Variants in HTR7 observed in about 807,000 individuals in gnomAD.
HTR7 encodes 5-HT-7.
Under a neutral mutation model 34.0 loss-of-function variants are expected in HTR7, and 16 were observed. That is an observed-to-expected ratio of 0.47 (90% CI 0.32 to 0.71). The LOEUF (loss-of-function observed/expected upper bound fraction) is 0.71. HTR7 is among the 30% of genes least tolerant of loss of function. The pLI, the probability that HTR7 is intolerant of heterozygous loss-of-function variation, is 0.04. For missense variants in HTR7, 504 were observed against 625.5 expected (o/e 0.81, Z 2.07); for synonymous variants, 265 against 260.2 (o/e 1.02, Z -0.18).
At chr10:90,831,256 G>C (rs1335884653) in intron 1 of HTR7, among the ~76,000 whole-genome samples, 3 of 152,182 alleles carry the variant, frequency 2.0e-5, no homozygotes, top group African/African-American at 7.2e-5. Context: ...CTTAAAGGCA[G>C]CGTGTCCGGA....
At chr10:90,834,040 G>A (rs1019761057) in intron 1 of HTR7, among the ~76,000 whole-genome samples, 3 of 152,084 alleles carry the variant, frequency 2.0e-5, no homozygotes, top group African/African-American at 7.2e-5. Context: ...TAGGTAAAAG[G>A]CACGCTTACT....
chr10:90,792,976 AT>A (rs1845482794), intron 1 of HTR7, among the ~76,000 whole-genome samples: 1 of 152,186 alleles, frequency 6.6e-6, no homozygotes, highest in South Asian at 2.1e-4. Flanking sequence ...GAAAAGCTTC[AT>A]AACATTGGAT....
At chr10:90,767,484 C>T (rs189221831) in intron 1 of HTR7, among the ~76,000 whole-genome samples, 115 of 152,282 alleles carry the variant, frequency 7.6e-4, no homozygotes, top group African/African-American at 2.7e-3. Context: ...TGCATCCTAA[C>T]GGTATAATCT....
At chr10:90,838,181 T>C (rs963813549) in intron 1 of HTR7, among the ~76,000 whole-genome samples, 9 of 152,220 alleles carry the variant, frequency 5.9e-5, no homozygotes, top group African/African-American at 1.9e-4. Flanking sequence ...TCTATTGATA[T>C]AAAATTTATC....
At chr10:90,751,638 G>A (rs921626693) in intron 1 of HTR7, among the ~76,000 whole-genome samples, 3 of 152,120 alleles carry the variant, frequency 2.0e-5, no homozygotes, top group African/African-American at 7.2e-5. Flanking sequence ...CTGGGAAGGG[G>A]GGTGTTTCAA....
chr10:90,844,210 T>C (rs1846374275), intron 1 of HTR7, among the ~76,000 whole-genome samples: 1 of 152,188 alleles, frequency 6.6e-6, no homozygotes, highest in Non-Finnish European at 1.5e-5. Context: ...ACCCAATAAA[T>C]AGTTTGAACT....
chr10:90,791,502 A>C (rs1447540407), intron 1 of HTR7, among the ~76,000 whole-genome samples: 2 of 152,070 alleles, frequency 1.3e-5, no homozygotes, highest in African/African-American at 4.8e-5. Flanking sequence ...AGGAGATTGA[A>C]AATGTTCAAA....
At chr10:90,779,223 C>A (rs190465370) in intron 1 of HTR7, among the ~76,000 whole-genome samples, 1 of 152,178 alleles carries the variant, frequency 6.6e-6, no homozygotes, top group Admixed American at 6.5e-5. Flanking sequence ...CCTTCTCCCC[C>A]TTTGGAGCAG....
At chr10:90,768,092 AT>A (rs1166446523) in intron 1 of HTR7, among the ~76,000 whole-genome samples, 1 of 152,140 alleles carries the variant, frequency 6.6e-6, no homozygotes, top group Non-Finnish European at 1.5e-5. Context: ...ACATCCTTCC[AT>A]TTCCCCAACT....
chr10:90,788,715 C>A (rs531739056), intron 1 of HTR7, among the ~76,000 whole-genome samples: 148 of 152,136 alleles, frequency 9.7e-4, no homozygotes, highest in Non-Finnish European at 1.8e-3. Context: ...CATATAAGAC[C>A]TCTTAGAAAA....
intron 1 of HTR7, among the ~76,000 whole-genome samples, chr10:90,815,607 G>A (rs147435134): frequency 1.2e-3 from 176 of 152,266 alleles, no homozygotes; most frequent in Admixed American, 1.9e-3. Context: ...GGGAAGAATA[G>A]CTAATGAACA....
chr10:90,831,432 G>A (rs919144126), intron 1 of HTR7, among the ~76,000 whole-genome samples: 2 of 152,102 alleles, frequency 1.3e-5, no homozygotes, highest in African/African-American at 2.4e-5. Context: ...TGGTCTCGGT[G>A]ACTTCAGGAG....
chr10:90,841,847 A>G (rs1018557138), intron 1 of HTR7, among the ~76,000 whole-genome samples: 2 of 152,078 alleles, frequency 1.3e-5, no homozygotes, highest in African/African-American at 4.8e-5. Flanking sequence ...TAAAAATACA[A>G]AAATTAGCCA....
chr10:90,752,723 A>G (rs906221344), intron 1 of HTR7, among the ~76,000 whole-genome samples: 4 of 152,198 alleles, frequency 2.6e-5, no homozygotes, highest in African/African-American at 9.6e-5. Flanking sequence ...AGGGAATTCA[A>G]TATAAAAGGA....
intron 1 of HTR7, among the ~76,000 whole-genome samples, chr10:90,798,136 C>T (rs1337475399): frequency 6.6e-6 from 1 of 152,172 alleles, no homozygotes; most frequent in African/African-American, 2.4e-5. Flanking sequence ...ATTCAAACCA[C>T]AGCATATGCT....
intron 1 of HTR7, among the ~76,000 whole-genome samples, chr10:90,844,383 T>C (rs1474493857): frequency 2.0e-5 from 3 of 152,112 alleles, no homozygotes; most frequent in African/African-American, 7.2e-5. Flanking sequence ...GTGACTCTGG[T>C]ATGCAGATGA....
Position 90,770,211 on chromosome 10 carries a change from G to A in HTR7, c.540-20617C>T, listed in dbSNP as rs12415829. 6.0e-3 allele frequency among the ~76,000 whole-genome samples: 918 copies of A among 151,932 alleles called. 9 individuals are homozygous for A. Among genetic ancestry groups the A allele is most frequent in the Admixed American group, 0.032 (495 of 15,302 alleles). On this transcript the variant is annotated intron_variant, in intron 1 of 3. Transcript: ENST00000336152. Reference sequence around the variant, plus strand: ...AGAGCTGGGCCCAGGATGGTGCTGCGCTCCATGGAGCTGGAGGGAGCCAGG... The same window carrying A: ...AGAGCTGGGCCCAGGATGGTGCTGCACTCCATGGAGCTGGAGGGAGCCAGG...
At chr10:90,852,020 A>AC (rs1846508133) in intron 1 of HTR7, among the ~76,000 whole-genome samples, 1 of 152,130 alleles carries the variant, frequency 6.6e-6, no homozygotes, top group Admixed American at 6.5e-5. Flanking sequence ...AGTCTTGGGT[A>AC]CGTCTTTATT....
intron 1 of HTR7, among the ~76,000 whole-genome samples, chr10:90,794,060 C>T (rs1018884486): frequency 6.6e-6 from 1 of 152,192 alleles, no homozygotes; most frequent in Admixed American, 6.5e-5. Flanking sequence ...CCTTTGGCAA[C>T]ACAGATACAC....
Sources: allele counts gnomAD v4.1 joint callset (sites outside exome capture counted in the v4.1 genomes callset), GRCh38; gene constraint gnomAD v4.1.1; transcripts MANE v1.5; gene names NCBI Gene and HGNC (gene_info 2026-07-23, HGNC 2026-07-21).